PHYKPL: variants seen among roughly 807,000 people sequenced by gnomAD.
PHYKPL encodes the protein 5-phosphohydroxy-L-lysine phospho-lyase.
In PHYKPL, 42 loss-of-function variants were observed where a neutral mutation model predicts 51.3. The ratio of observed to expected loss-of-function variants is 0.82; its 90% confidence interval spans 0.64 to 1.06. The LOEUF (loss-of-function observed/expected upper bound fraction) is 1.06, where lower values mean the gene tolerates loss of function less well. PHYKPL is among the 50% of genes least tolerant of loss of function. The pLI, the probability that PHYKPL is intolerant of heterozygous loss-of-function variation, is 0.00. For missense variants in PHYKPL, 655 were observed against 586.6 expected (o/e 1.12, Z -1.20); for synonymous variants, 264 against 236.0 (o/e 1.12, Z -1.09).
rs990494070 is a variant in PHYKPL, at chr5:178,232,639, C to T, written c.-89G>A. 6 of 1,218,494 alleles carry T rather than the reference C, an allele frequency of 4.9e-6. No individual in the cohort carries two copies. Among genetic ancestry groups the T allele is most frequent in the Non-Finnish European group, 6.1e-6 (6 of 975,974 alleles). 75.5% of individuals were successfully genotyped at this position (1,218,494 alleles called of 1,614,324 possible). ...CCAAGGCCCCGCTCCGGGCCCCGCC[C>T]CTGCCTGGGTCGGGATTTGGGGCTC... is the stretch of plus-strand genomic sequence containing the variant. On this transcript the variant is annotated 5_prime_UTR_variant, in exon 1 of 13. Coordinates refer to ENST00000308158, the MANE Select transcript of PHYKPL (RefSeq NM_153373.4).
chr5:178,231,313 C>G, intron 2 of PHYKPL, 92 bp downstream of exon 2: 2 of 1,596,646 alleles, frequency 1.3e-6, no homozygotes, highest in Admixed American at 1.7e-5. Flanking sequence ...CCCAGGTTCT[C>G]CACACCTCTC....
At chr5:178,232,450 C>A in intron 1 of PHYKPL, 42 bp downstream of exon 1, 1 of 1,377,368 alleles carries the variant, frequency 7.3e-7, no homozygotes, top group Non-Finnish European at 9.3e-7. Context: ...TGCCTCTCCG[C>A]GCAGCCCCGC....
intron 4 of PHYKPL, 25 bp from the exon 5 acceptor site, chr5:178,224,754 C>T (rs1422556586): frequency 3.1e-6 from 5 of 1,590,080 alleles, no homozygotes; most frequent in Non-Finnish European, 4.3e-6. Context: ...GGAGGGTAGG[C>T]TCGGGTCCGG....
chr5:178,210,010 C>A, intron 12 of PHYKPL: 1 of 1,378,018 alleles, frequency 7.3e-7, no homozygotes, highest in Non-Finnish European at 9.9e-7. Context: ...GAACAGCAGC[C>A]CCTTGGCTTC....
chr5:178,228,521 G>A, intron 3 of PHYKPL: 2 of 702,364 alleles, frequency 2.8e-6, no homozygotes, highest in South Asian at 1.5e-5. Flanking sequence ...TCTCTTTCCA[G>A]AGGCTCCAGC....
At chr5:178,211,761 C>A in intron 12 of PHYKPL, 129 bp downstream of exon 12, 1 of 641,296 alleles carries the variant, frequency 1.6e-6, no homozygotes, top group South Asian at 1.9e-5. Context: ...AGAAACTAAC[C>A]TTTGGGAAGG....
In PHYKPL at chr5:178,222,893, C is replaced by T. The variant is rs1761475482; in HGVS notation, c.660G>A (p.Gly220=). The stretch of plus-strand genomic sequence containing the variant: ...AGTAGCCAGCAGGGGGAATGATCTG[C>T]CCTCCCACACTGGGCAGAGACTCAG... ...FFAESLPSVG[G]QIIPPAGYFS... is the part of the protein sequence containing the mutation. Residue 220 remains glycine (G), a synonymous_variant, in exon 7 of 13, where the codon GGG becomes GGA. Transcript: ENST00000308158. 1 of 1,614,152 alleles carries T rather than the reference C, an allele frequency of 6.2e-7. No homozygotes were observed. Among genetic ancestry groups the T allele is most frequent in the Non-Finnish European group, 8.5e-7 (1 of 1,180,034 alleles).
intron 8 of PHYKPL, among the ~76,000 whole-genome samples, chr5:178,217,558 G>GAA (rs869086983): frequency 1.6e-5 from 2 of 123,800 alleles, no homozygotes; most frequent in Non-Finnish European, 1.7e-5. Context: ...AAGAATCAGT[G>GAA]AAAAAAAAAA....
At chr5:178,229,304 C>T (rs1368814256) in intron 3 of PHYKPL, among the ~76,000 whole-genome samples, 15 of 152,076 alleles carry the variant, frequency 9.9e-5, no homozygotes, top group Non-Finnish European at 1.6e-4. Flanking sequence ...GACGGGGTTT[C>T]GCCCTGTTGG....
At chr5:178,210,762 A>AAATC in intron 12 of PHYKPL, 1 of 697,464 alleles carries the variant, frequency 1.4e-6, no homozygotes, top group Non-Finnish European at 2.6e-6. Flanking sequence ...TCCCCCATGG[A>AAATC]AATCACTCTC....
chr5:178,212,462 A>C (rs1264027717), intron 11 of PHYKPL, among the ~76,000 whole-genome samples: 3 of 152,210 alleles, frequency 2.0e-5, no homozygotes, highest in Non-Finnish European at 4.4e-5. Flanking sequence ...TTGTAAGTGG[A>C]TTTAGGGGGA....
chr5:178,210,260 G>T (rs369576001), intron 12 of PHYKPL: 1 of 1,614,028 alleles, frequency 6.2e-7, no homozygotes. Context: ...CTACGGCCCC[G>T]GCTACGACTA....
chr5:178,210,159 A>G lies in PHYKPL; in HGVS notation c.*32-1244T>C, dbSNP rs745883573. 5.0e-6 allele frequency: 8 copies of G among 1,613,932 alleles called. No homozygotes were observed. Among genetic ancestry groups the G allele is most frequent in the Non-Finnish European group, 6.8e-6 (8 of 1,179,916 alleles). ...CAGAGTCAGAGTTGGAATCAGGGCT[A>G]CGGCAACTACTGGAACCAGGGCTAC... On this transcript the variant is annotated intron_variant, in intron 12 of 12. Transcript: ENST00000308158.
chr5:178,232,743 C>T lies in PHYKPL; in HGVS notation c.-193G>A. The T allele has an allele frequency of 3.6e-6, 2 of 555,488 alleles. No homozygotes were observed. The highest frequency in any genetic ancestry group is 2.6e-6 in the Non-Finnish European group (1 of 380,426). 34.4% of individuals were successfully genotyped at this position (555,488 alleles called of 1,614,324 possible). ...TCGCTTGCCCACTGGGCCTGGCAGC[C>T]TTCCGGCCCGTGGTCGTGCCTTGGC... On this transcript the variant is annotated 5_prime_UTR_variant, in exon 1 of 13. Transcript: ENST00000308158.
chr5:178,231,409 C>A lies in PHYKPL; in HGVS notation c.174G>T (p.Ala58=). The change falls in exon 2 of 13, where the codon GCG becomes GCT. Residue 58 remains alanine (A), a synonymous_variant. Transcript: ENST00000308158. ...AEYIDCISNV[A]HVGHCHPLVV... ...AGCCTGAGGTGTGATACTGACCGTG[C>A]GCCACATTGCTGATGCAATCGATGT... 1 of 1,614,184 alleles carries A rather than the reference C, an allele frequency of 6.2e-7. No individual in the cohort carries two copies. Among genetic ancestry groups the A allele is most frequent in the South Asian group, 1.1e-5 (1 of 91,086 alleles).
Position 178,215,357 on chromosome 5 carries a change from T to G in PHYKPL, c.1001A>C (p.Asp334Ala). The change falls in exon 9 of 13, where the codon GAT becomes GCT. Residue 334 changes from aspartate (D) to alanine (A), a missense_variant. Coordinates refer to ENST00000308158, the MANE Select transcript of PHYKPL (RefSeq NM_153373.4). ...LNVLEKEQLQDHATSVGSFLM... is the reference protein window; with the variant it reads ...LNVLEKEQLQAHATSVGSFLM... The stretch of plus-strand genomic sequence containing the variant: ...GAAGCTGCCTACACTGGTGGCATGA[T>G]CCTGGAGCTGCTCCTTCTCCAAGAC... 1 of 1,614,026 alleles carries G rather than the reference T, an allele frequency of 6.2e-7. No homozygotes were observed. Among genetic ancestry groups the G allele is most frequent in the Non-Finnish European group, 8.5e-7 (1 of 1,179,948 alleles).
intron 8 of PHYKPL, chr5:178,216,547 C>T (rs1759833810): frequency 6.6e-6 from 1 of 152,176 alleles, no homozygotes; most frequent in Non-Finnish European, 1.5e-5. Context: ...GAAAAAGGAA[C>T]CACCATGGGG....
intron 6 of PHYKPL, chr5:178,224,071 T>C (rs1761767890): frequency 9.1e-6 from 2 of 220,468 alleles, no homozygotes; most frequent in African/African-American, 2.3e-5. Flanking sequence ...CTCTGGCATG[T>C]GGACCCTGCC....
At position 178,213,094 on chromosome 5, in the gene PHYKPL, C is replaced by T; in HGVS notation, c.1182G>A (p.Glu394=). 1.2e-6 allele frequency: 2 copies of T among 1,614,038 alleles called. No homozygotes were observed. The highest frequency in any genetic ancestry group is 1.7e-6 in the Non-Finnish European group (2 of 1,179,950). Residue 394 remains glutamate, a synonymous_variant, in exon 11 of 13, where the codon GAG becomes GAA. Transcript: ENST00000308158. The part of the protein sequence containing the change: ...EAAYLVSRLK[E]NYVLLSTDGP... ...CATCAGTGCTCAGCAAAACGTAGTTCTCCTTCAGCCTGTGAGGACAGGACA... is the reference window on the plus strand; with the variant it reads ...CATCAGTGCTCAGCAAAACGTAGTTTTCCTTCAGCCTGTGAGGACAGGACA...
Sources: allele counts gnomAD v4.1 joint callset (sites outside exome capture counted in the v4.1 genomes callset), GRCh38; gene constraint gnomAD v4.1.1; transcripts MANE v1.5; gene names NCBI Gene and HGNC (gene_info 2026-07-23, HGNC 2026-07-21).